RASGRP1: variants seen among roughly 807,000 people sequenced by gnomAD.
RASGRP1 encodes RAS guanyl-releasing protein 1.
In RASGRP1, 37 loss-of-function variants were observed where a neutral mutation model predicts 95.1. The observed-to-expected ratio is 0.39, with a 90% CI of 0.30 to 0.51. The LOEUF (loss-of-function observed/expected upper bound fraction) is 0.51. RASGRP1 is among the 20% of genes least tolerant of loss of function. RASGRP1 has a pLI of 0.80. For missense variants in RASGRP1, 711 were observed against 965.4 expected (o/e 0.74, Z 3.49); for synonymous variants, 325 against 353.4 (o/e 0.92, Z 0.90).
At chr15:38,504,702 ATACT>A (rs1332579251) in intron 10 of RASGRP1, 8 of 152,358 alleles carry the variant, frequency 5.3e-5, no homozygotes, top group African/African-American at 1.4e-4. Flanking sequence ...TAAACCGGTA[ATACT>A]TACTATCAAG....
Position 38,501,213 on chromosome 15 carries a change from A to G in RASGRP1, c.1613T>C (p.Leu538Pro). 1 of 1,613,312 alleles carries G rather than the reference A, an allele frequency of 6.2e-7. No individual in the cohort carries two copies. The highest frequency in any genetic ancestry group is 8.5e-7 in the Non-Finnish European group (1 of 1,179,412). The change falls in exon 13 of 17, where the codon CTG becomes CCG. Residue 538 changes from leucine (L) to proline (P), a missense_variant. Leu to Pro is a moderately conservative substitution (Grantham distance 98). Transcript: ENST00000310803. ...RASSIYSKLG[L>P]GFPHNFQETT... ...CTCTTGGAAGTTGTGAGGAAAGCCCAGGCCCAGCTTGGAATAGATTGAGCT... is the reference window on the plus strand; with the variant it reads ...CTCTTGGAAGTTGTGAGGAAAGCCCGGGCCCAGCTTGGAATAGATTGAGCT...
chr15:38,515,276 A>G (rs1463788857), intron 6 of RASGRP1, among the ~76,000 whole-genome samples: 1 of 152,102 alleles, frequency 6.6e-6, no homozygotes, highest in African/African-American at 2.4e-5. Context: ...CCATCCCCTC[A>G]CCAGGAGAAT....
At position 38,505,842 on chromosome 15, in the gene RASGRP1, G is replaced by A; in HGVS notation, c.1321C>T (p.Pro441Ser). 1 of 1,603,514 alleles carries A rather than the reference G, an allele frequency of 6.2e-7. No homozygotes were observed. Among genetic ancestry groups the A allele is most frequent in the East Asian group, 2.2e-5 (1 of 44,754 alleles). Residue 441 changes from proline (P) to serine (S), a missense_variant and splice_region_variant, in exon 10 of 17, where the codon CCA becomes TCA. Pro to Ser is a moderately conservative substitution (Grantham distance 74). Around this residue, in one of 3 missense-constraint regions of RASGRP1, gnomAD observed 491 missense variants for 676.6 expected, o/e 0.73. Transcript: ENST00000310803. Reference sequence around the variant, plus strand: ...GAGTCTTAATATGAAAAACTCACTGGAGCTCTGTGGTTCCTTGGTTCCCGG... The same window carrying A: ...GAGTCTTAATATGAAAAACTCACTGAAGCTCTGTGGTTCCTTGGTTCCCGG... The part of the protein sequence containing the change: ...YAREPRNHRA[P>S]PLTPSKPPVV...
intron 1 of RASGRP1, 161 bp from the exon 2 acceptor site, chr15:38,560,166 G>A (rs895868576): frequency 2.7e-5 from 18 of 674,750 alleles, no homozygotes; most frequent in Non-Finnish European, 5.1e-6. Context: ...TGACTGGTTG[G>A]CTGTTAAAGA....
intron 15 of RASGRP1, 147 bp from the exon 16 acceptor site, chr15:38,494,914 G>T: frequency 1.4e-6 from 1 of 708,744 alleles, no homozygotes; most frequent in Non-Finnish European, 2.0e-6. Flanking sequence ...CCAGTTTAGG[G>T]GGTGAGGGCT....
At chr15:38,500,061 G>C (rs1468443459) in intron 14 of RASGRP1, 42 bp downstream of exon 14, 3 of 1,595,700 alleles carry the variant, frequency 1.9e-6, no homozygotes, top group Non-Finnish European at 2.6e-6. Flanking sequence ...GCGTGAGAAT[G>C]GACTGATACA....
chr15:38,503,424 A>G (rs1400800289), intron 10 of RASGRP1, 48 bp from the exon 11 acceptor site: 1 of 1,339,068 alleles, frequency 7.5e-7, no homozygotes, highest in Admixed American at 1.9e-5. Flanking sequence ...ATGCAATATT[A>G]TAACCTATAG....
At chr15:38,563,256 G>C (rs553624889) in intron 1 of RASGRP1, among the ~76,000 whole-genome samples, 21 of 152,248 alleles carry the variant, frequency 1.4e-4, no homozygotes, top group African/African-American at 5.1e-4. Context: ...TCCATAGAAT[G>C]AATGGCCTCT....
chr15:38,545,639 C>T (rs961658640), intron 2 of RASGRP1, among the ~76,000 whole-genome samples: 4 of 151,734 alleles, frequency 2.6e-5, no homozygotes, highest in African/African-American at 7.3e-5. Context: ...AACAAATCTT[C>T]AGTGAAAGAA....
chr15:38,499,193 G>A, intron 14 of RASGRP1: 2 of 641,268 alleles, frequency 3.1e-6, no homozygotes, highest in South Asian at 1.5e-5. Context: ...ATCTTGGAGG[G>A]AAGAGATGGT....
intron 2 of RASGRP1, among the ~76,000 whole-genome samples, chr15:38,545,757 G>T (rs1189532889): frequency 6.6e-6 from 1 of 152,044 alleles, no homozygotes; most frequent in Non-Finnish European, 1.5e-5. Flanking sequence ...CCTAATTTCA[G>T]GCACTCCTAA....
Position 38,507,942 on chromosome 15 carries a change from T to C in RASGRP1, c.1026A>G (p.Arg342=), listed in dbSNP as rs1424723013. 6.2e-7 allele frequency: 1 copy of C among 1,612,052 alleles called. No individual in the cohort carries two copies. Among genetic ancestry groups the C allele is most frequent in the South Asian group, 1.1e-5 (1 of 90,396 alleles). Residue 342 remains arginine, a synonymous_variant, in exon 9 of 17, where the codon CGA becomes CGG. Transcript: ENST00000310803. ...TGAAGTCGGTGCACTCTCCATAGGC[T>C]CGCCGGTAATTGTCGTAGTTTCTGG... is the stretch of plus-strand genomic sequence containing the variant. ...SSSRNYDNYR[R]AYGECTDFKI... is the part of the protein sequence containing the mutation.
Position 38,494,393 on chromosome 15 carries a change from C to T in RASGRP1, c.2248G>A (p.Glu750Lys). 1.2e-6 allele frequency: 2 copies of T among 1,613,836 alleles called. No individual in the cohort carries two copies. Among genetic ancestry groups the T allele is most frequent in the East Asian group, 2.2e-5 (1 of 44,878 alleles). ...GAAAAGGAAGGTACCTGTTCCAGTT[C>T]TTGGTAGGTAGGCAGTCTGAGGTGA... ...LRHLRLPTYQELEQEINTLKA... is the reference protein window; with the variant it reads ...LRHLRLPTYQKLEQEINTLKA... The change falls in exon 16 of 17, where the codon GAA becomes AAA. Residue 750 changes from glutamate (E) to lysine (K), a missense_variant. Transcript: ENST00000310803.
intron 2 of RASGRP1, among the ~76,000 whole-genome samples, chr15:38,558,693 A>G (rs1305574076): frequency 6.6e-6 from 1 of 152,242 alleles, no homozygotes; most frequent in Non-Finnish European, 1.5e-5. Context: ...CTGACACTCT[A>G]ATGTTTGAGA....
intron 10 of RASGRP1, chr15:38,503,693 GGA>G: frequency 3.3e-6 from 1 of 306,356 alleles, no homozygotes; most frequent in Non-Finnish European, 6.0e-6. Flanking sequence ...AGAGTAAAGT[GGA>G]TCATTTATGA....
rs576367702 is a variant in RASGRP1 at position 38,494,599 on chromosome 15, A to G, written c.2042T>C (p.Ile681Thr). The G allele has an allele frequency of 1.3e-4, 195 of 1,559,814 alleles. 1 individual carries two copies. The South Asian group carries it at 1.8e-3, about 14-fold the overall frequency. Reference sequence around the variant, plus strand: ...GGGACCTGAAGGGCCCTCACTGCCAATCCAAGGCTGTGATTCAGTCTGGGT... The same window carrying G: ...GGGACCTGAAGGGCCCTCACTGCCAGTCCAAGGCTGTGATTCAGTCTGGGT... The part of the protein sequence containing the change: ...KATQTESQPW[I>T]GSEGPSGPFV... The change falls in exon 16 of 17, where the codon ATT becomes ACT. Residue 681 changes from isoleucine to threonine, a missense_variant. Coordinates refer to ENST00000310803, the MANE Select transcript of RASGRP1 (RefSeq NM_005739.4).
intron 4 of RASGRP1, among the ~76,000 whole-genome samples, chr15:38,518,716 G>T (rs777699475): frequency 2.7e-4 from 41 of 152,122 alleles, no homozygotes; most frequent in Non-Finnish European, 4.9e-4. Flanking sequence ...AATTATAAGG[G>T]AGAGAACTAT....
At chr15:38,512,697 C>T (rs1891584510) in intron 7 of RASGRP1, 86 bp downstream of exon 7, 1 of 1,524,642 alleles carries the variant, frequency 6.6e-7, no homozygotes, top group South Asian at 1.2e-5. Context: ...GAAAAAACAG[C>T]TCTAATTAAT....
intron 2 of RASGRP1, among the ~76,000 whole-genome samples, chr15:38,535,036 A>G (rs1164269931): frequency 6.6e-6 from 1 of 152,192 alleles, no homozygotes. Flanking sequence ...TGATAATGAT[A>G]TGTTACGTTT....
Sources: allele counts gnomAD v4.1 joint callset (sites outside exome capture counted in the v4.1 genomes callset), GRCh38; gene constraint gnomAD v4.1.1; regional missense constraint gnomAD v4.1.1; transcripts MANE v1.5; gene names NCBI Gene and HGNC (gene_info 2026-07-23, HGNC 2026-07-21).